KANSL1L: variants seen among roughly 807,000 people sequenced by gnomAD.
The protein encoded by KANSL1L is KAT8 regulatory NSL complex subunit 1 like, also known as KAT8 regulatory NSL complex subunit 1-like protein.
Under a neutral mutation model 108.6 loss-of-function variants are expected in KANSL1L, and 25 were observed. The ratio of observed to expected loss-of-function variants is 0.23; its 90% CI spans 0.17 to 0.32. The LOEUF is 0.32. Among genes scored for constraint, KANSL1L ranks in the 10% least tolerant of loss-of-function variants. The pLI is 1.00. For synonymous variants in KANSL1L, 405 were observed against 395.1 expected (o/e 1.03, Z -0.30); for missense variants, 1,137 against 1,125.7 (o/e 1.01, Z -0.14).
At chr2:210,033,983 C>G (rs978672942) in intron 8 of KANSL1L, among the ~76,000 whole-genome samples, 1 of 152,140 alleles carries the variant, frequency 6.6e-6, no homozygotes, top group Non-Finnish European at 1.5e-5. Context: ...TTCACCTGTT[C>G]TATTGATAAA....
chr2:210,115,514 G>T (rs2094945651), intron 3 of KANSL1L, among the ~76,000 whole-genome samples: 1 of 152,114 alleles, frequency 6.6e-6, no homozygotes, highest in East Asian at 1.9e-4. Flanking sequence ...GAGTTTGTAG[G>T]ATAGCAGATA....
intron 6 of KANSL1L, among the ~76,000 whole-genome samples, chr2:210,054,291 C>G (rs1208062489): frequency 2.0e-5 from 3 of 148,200 alleles, no homozygotes; most frequent in Non-Finnish European, 4.4e-5. Flanking sequence ...CACTGTACTC[C>G]AGCCTGGGCA....
intron 8 of KANSL1L, among the ~76,000 whole-genome samples, chr2:210,033,803 G>T (rs1205365816): frequency 6.6e-6 from 1 of 151,752 alleles, no homozygotes; most frequent in African/African-American, 2.4e-5. Context: ...CTCCCAAAGT[G>T]CTGGGATTAC....
chr2:210,025,172 T>G lies in KANSL1L; in HGVS notation c.2496A>C (p.Lys832Asn). The G allele has an allele frequency of 6.2e-7, 1 of 1,611,774 alleles. No homozygotes were observed. The highest frequency in any genetic ancestry group is 2.2e-5 in the East Asian group (1 of 44,856). The change falls in exon 13 of 15, where the codon AAA becomes AAC. Residue 832 changes from lysine to asparagine, a missense_variant. Physicochemically the swap from Lys to Asn is moderately conservative, Grantham distance 94. This residue lies in a region of KANSL1L where 575 missense variants were observed against 567.1 expected (regional missense o/e 1.01). Transcript: ENST00000281772. ...SDEVFSLRHK[K>N]YEEREQARWS... ...ACCTGGCTTGCTCTCTCTCTTCATA[T>G]TTTTTGTGCCTTAGGGAGAAGACTT...
chr2:210,117,215 A>G (rs2094963242), intron 3 of KANSL1L, among the ~76,000 whole-genome samples: 1 of 152,188 alleles, frequency 6.6e-6, no homozygotes, highest in Admixed American at 6.5e-5. Flanking sequence ...AAAAGAAAAA[A>G]GAATAAAAAG....
At chr2:210,032,110 C>A (rs1405249780) in intron 8 of KANSL1L, 1 of 152,106 alleles carries the variant, frequency 6.6e-6, no homozygotes, top group Admixed American at 6.6e-5. Flanking sequence ...ATATCTGAAC[C>A]CCCTTATTTC....
intron 8 of KANSL1L, among the ~76,000 whole-genome samples, chr2:210,034,976 T>G (rs1467712511): frequency 6.6e-6 from 1 of 152,208 alleles, no homozygotes; most frequent in East Asian, 1.9e-4. Flanking sequence ...CAAATGAAAT[T>G]TAGTTGCTGA....
rs569072484 is a variant in KANSL1L at position 210,067,716 on chromosome 2, C to CAAAAAAA, written c.1755+7829_1755+7835dup. ...GAGTGACAGAGTGAGACCCTGTCTC[C>CAAAAAAA]AAAAAAAAAAAAAAAAAAAAAAAAA... On this transcript the variant is annotated intron_variant, in intron 6 of 14. Transcript: ENST00000281772. 4.3e-4 allele frequency among the ~76,000 whole-genome samples: 40 copies of CAAAAAAA among 92,922 alleles called. 1 individual carries two copies. Among genetic ancestry groups the CAAAAAAA allele is most frequent in the African/African-American group, 1.7e-3 (38 of 21,746 alleles). 61.0% of individuals were successfully genotyped at this position (92,922 alleles called of 152,430 possible).
chr2:210,027,849 T>A (rs1239134001), intron 11 of KANSL1L, among the ~76,000 whole-genome samples: 1 of 152,216 alleles, frequency 6.6e-6, no homozygotes, highest in Non-Finnish European at 1.5e-5. Flanking sequence ...TAGAACGTCA[T>A]AGCCACAAAT....
chr2:210,171,772 T>G (rs1334511512), upstream of KANSL1L: 1 of 151,922 alleles, frequency 6.6e-6, no homozygotes, highest in Admixed American at 6.6e-5. Flanking sequence ...TTCCCTGCCG[T>G]CCGCGCCGGG....
intron 1 of KANSL1L, among the ~76,000 whole-genome samples, chr2:210,155,483 GATAGTAAAAAC>G (rs2125650283): frequency 6.6e-6 from 1 of 152,214 alleles, no homozygotes; most frequent in South Asian, 2.1e-4. Flanking sequence ...AAAAATATGT[GATAGTAAAAAC>G]TTGCCTAATG....
At chr2:210,111,988 G>GT (rs2094910637) in intron 3 of KANSL1L, among the ~76,000 whole-genome samples, 2 of 150,844 alleles carry the variant, frequency 1.3e-5, no homozygotes, top group South Asian at 2.1e-4. Context: ...GCGGTGTTTG[G>GT]TTTTTTGTCC....
At chr2:210,097,228 A>G in intron 5 of KANSL1L, 1 of 971,372 alleles carries the variant, frequency 1.0e-6, no homozygotes, top group Non-Finnish European at 1.2e-6. Flanking sequence ...GTTTACATCC[A>G]CTAATTTCAC....
At chr2:210,043,864 G>T in intron 7 of KANSL1L, 75 bp downstream of exon 7, 1 of 979,200 alleles carries the variant, frequency 1.0e-6, no homozygotes, top group Non-Finnish European at 1.5e-6. Flanking sequence ...AGATTTATTA[G>T]ATTCTCTGTA....
chr2:210,164,868 T>G (rs948720732), intron 1 of KANSL1L, among the ~76,000 whole-genome samples: 4 of 149,428 alleles, frequency 2.7e-5, no homozygotes, highest in Non-Finnish European at 4.5e-5. Flanking sequence ...TTTTTTTTTT[T>G]GTTTTTTTTT....
chr2:210,032,611 T>C (rs2094034430), intron 8 of KANSL1L: 1 of 152,200 alleles, frequency 6.6e-6, no homozygotes, highest in Non-Finnish European at 1.5e-5. Flanking sequence ...GAGAAATGAA[T>C]GGTTGGAGAG....
Position 210,104,285 on chromosome 2 carries a change from T to G in KANSL1L, c.1247A>C (p.Glu416Ala). The G allele has an allele frequency of 6.2e-7, 1 of 1,613,430 alleles. No homozygotes were observed. The highest frequency in any genetic ancestry group is 8.5e-7 in the Non-Finnish European group (1 of 1,179,610). ...IRASKGIVVLEECQLPKDILK... is the reference protein window; with the variant it reads ...IRASKGIVVLAECQLPKDILK... The stretch of plus-strand genomic sequence containing the variant: ...AATATCTTTTGGAAGCTGACATTCT[T>G]CTAGGACCACTATCCCCTAGACAAA... The change falls in exon 4 of 15, where the codon GAA becomes GCA. Residue 416 changes from glutamate to alanine, a missense_variant. Physicochemically the swap from Glu to Ala is moderately radical, Grantham distance 107. This residue lies in a region of KANSL1L where 556 missense variants were observed against 537.7 expected (regional missense o/e 1.03). Transcript: ENST00000281772.
At chr2:210,069,437 C>T (rs2094490646) in intron 6 of KANSL1L, among the ~76,000 whole-genome samples, 1 of 152,196 alleles carries the variant, frequency 6.6e-6, no homozygotes, top group Non-Finnish European at 1.5e-5. Context: ...CCAGCCTTTG[C>T]TCATTACCCA....
intron 2 of KANSL1L, among the ~76,000 whole-genome samples, chr2:210,139,053 C>T (rs1176967626): frequency 3.3e-5 from 5 of 152,022 alleles, no homozygotes; most frequent in Non-Finnish European, 7.4e-5. Context: ...GAGCCAAGAT[C>T]GCACCACTGC....
Sources: allele counts gnomAD v4.1 joint callset (sites outside exome capture counted in the v4.1 genomes callset), GRCh38; gene constraint gnomAD v4.1.1; regional missense constraint gnomAD v4.1.1; transcripts MANE v1.5; gene names NCBI Gene and HGNC (gene_info 2026-07-23, HGNC 2026-07-21).